ASIC4: variants seen among roughly 807,000 people sequenced by gnomAD.
ASIC4 encodes acid-sensing ion channel 4.
In ASIC4, 28 loss-of-function variants were observed where a neutral mutation model predicts 53.4. The observed-to-expected ratio is 0.52, with a 90% CI of 0.39 to 0.72. The LOEUF (loss-of-function observed/expected upper bound fraction) is 0.72. Among genes scored for constraint, ASIC4 ranks in the 30% least tolerant of loss-of-function variants. The pLI, the probability that ASIC4 is intolerant of heterozygous loss-of-function variation, is 0.00. For missense variants in ASIC4, 649 were observed against 729.7 expected, an observed-to-expected ratio of 0.89 and a Z score of 1.27; for synonymous variants, 289 against 301.4, an observed-to-expected ratio of 0.96 and a Z score of 0.43.
At chr2:219,525,269 C>G (rs1214134554) in intron 1 of ASIC4, among the ~76,000 whole-genome samples, 3 of 152,240 alleles carry the variant, frequency 2.0e-5, no homozygotes, top group Non-Finnish European at 4.4e-5. Flanking sequence ...TTGCAAATGC[C>G]TTTCACATAC....
At chr2:219,511,825 A>T (rs1281818189), upstream of ASIC4, among the ~76,000 whole-genome samples, 2 of 151,950 alleles carry the variant, frequency 1.3e-5, no homozygotes, top group Non-Finnish European at 2.9e-5. The surrounding 1 kb of genome is among the most constrained non-coding windows in gnomAD (Gnocchi z 5.3). Context: ...CCGGGGAAGC[A>T]GCCGGGAGGC....
In ASIC4 at chr2:219,536,943, G is replaced by C; in HGVS notation, c.1230-123G>C. 1 of 798,842 alleles carries C rather than the reference G, an allele frequency of 1.3e-6. No individual in the cohort carries two copies. 49.5% of individuals were successfully genotyped at this position (798,842 alleles called of 1,614,324 possible). On this transcript the variant is annotated intron_variant, in intron 6 of 9. Transcript: ENST00000358078. This position sits in a 1 kb window ranked among gnomAD's most constrained non-coding sequence, Gnocchi z 4.6. ...TCCCCTCACAGCCTTGGGGAGTCCG[G>C]GGGGTAGTCACTGACTTCCCCATGT... is the stretch of plus-strand genomic sequence containing the variant.
chr2:219,522,475 C>T (rs1694902283), intron 1 of ASIC4, among the ~76,000 whole-genome samples: 1 of 151,482 alleles, frequency 6.6e-6, no homozygotes, highest in Non-Finnish European at 1.5e-5. Flanking sequence ...CCAGTGGGGG[C>T]TCACGGGGGA....
chr2:219,523,307 C>A (rs542923342), intron 1 of ASIC4, among the ~76,000 whole-genome samples: 4 of 152,004 alleles, frequency 2.6e-5, no homozygotes, highest in Admixed American at 6.6e-5. Flanking sequence ...GTCCCGGAGG[C>A]CTTCATCCTC....
chr2:219,511,471 T>A (rs1455452707), upstream of ASIC4, among the ~76,000 whole-genome samples: 1 of 151,042 alleles, frequency 6.6e-6, no homozygotes, highest in African/African-American at 2.4e-5. This position sits in a 1 kb window ranked among gnomAD's most constrained non-coding sequence, Gnocchi z 5.3. Flanking sequence ...AGGAAGCTCA[T>A]CCCCTGGGGG....
chr2:219,516,744 T>C lies in ASIC4; in HGVS notation c.582+1438T>C, dbSNP rs1349026067. 6.6e-6 allele frequency: 1 copy of C among 152,282 alleles called. No homozygotes were observed. The highest frequency in any genetic ancestry group is 1.9e-4 in the East Asian group (1 of 5,206). 9.4% of individuals were successfully genotyped at this position (152,282 alleles called of 1,614,324 possible). A position where few individuals can be genotyped will look rare whatever the true frequency, so the allele number is the denominator to read the frequency against. On this transcript the variant is annotated intron_variant, in intron 1 of 9. Coordinates refer to ENST00000358078, the MANE Select transcript of ASIC4 (RefSeq NM_018674.6). This position sits in a 1 kb window ranked among gnomAD's most constrained non-coding sequence, Gnocchi z 4.9. ...AACATGCTCCAGCCAACGAGGTTCC[T>C]GGCCCCCACCATGCCTGCAGTGTCT...
intron 1 of ASIC4, among the ~76,000 whole-genome samples, chr2:219,526,642 CAG>C (rs1330543073): frequency 3.3e-5 from 5 of 151,926 alleles, no homozygotes; most frequent in East Asian, 1.9e-4. Flanking sequence ...GATCAGGAAA[CAG>C]AGGCTAGCGA....
chr2:219,519,108 G>A (rs1280882336), intron 1 of ASIC4, among the ~76,000 whole-genome samples: 2 of 152,170 alleles, frequency 1.3e-5, no homozygotes, highest in East Asian at 3.8e-4. Flanking sequence ...GTTTCACTGT[G>A]TTAGCCAGGA....
In ASIC4 at chr2:219,532,326, G is replaced by A. The variant is rs1480384252; in HGVS notation, c.867G>A (p.Leu289=). 1 of 1,611,228 alleles carries A rather than the reference G, an allele frequency of 6.2e-7. No individual in the cohort carries two copies. The highest frequency in any genetic ancestry group is 2.2e-5 in the East Asian group (1 of 44,768). Residue 289 remains leucine, a synonymous_variant, in exon 4 of 10, where the codon CTG becomes CTA. Coordinates refer to ENST00000358078, the MANE Select transcript of ASIC4 (RefSeq NM_018674.6). ...CCCCACCTCTGCAGCTGACCTACCT[G>A]CCCCAGCCCTGGGGCAACTGCCGCG... ...VSCQEQRLTY[L]PQPWGNCRAE...
intron 4 of ASIC4, 126 bp downstream of exon 4, chr2:219,532,603 G>T (rs114407711): frequency 7.8e-7 from 1 of 1,276,118 alleles, no homozygotes; most frequent in Admixed American, 2.7e-5. Flanking sequence ...GTCTGTACCC[G>T]TGTGAGTGTG....
Position 219,537,517 on chromosome 2 carries a change from T to C in ASIC4, c.1402-115T>C. ...ATGGGTGAGGAGGAGGAGGGTGTCCTACTGGGAGTTTGCTGTGGCAGTAAG... is the reference window on the plus strand; with the variant it reads ...ATGGGTGAGGAGGAGGAGGGTGTCCCACTGGGAGTTTGCTGTGGCAGTAAG... On this transcript the variant is annotated intron_variant, in intron 8 of 9. Coordinates refer to ENST00000358078, the MANE Select transcript of ASIC4 (RefSeq NM_018674.6). This position sits in a 1 kb window ranked among gnomAD's most constrained non-coding sequence, Gnocchi z 4.9. The C allele has an allele frequency of 1.0e-5, 11 of 1,058,546 alleles. No individual in the cohort carries two copies. The highest frequency in any genetic ancestry group is 1.5e-5 in the Non-Finnish European group (11 of 721,536). The allele number at this position is 1,058,546 out of a possible 1,614,324, so 65.6% of individuals were successfully genotyped here.
chr2:219,535,825 T>C (rs1695128872), intron 6 of ASIC4, among the ~76,000 whole-genome samples: 1 of 148,012 alleles, frequency 6.8e-6, no homozygotes, highest in Non-Finnish European at 1.5e-5. Flanking sequence ...CAGGCTGGAG[T>C]GCAGTGGCAC....
the ASIC4 span, among the ~76,000 whole-genome samples, chr2:219,507,955 G>T: frequency 2.0e-5 from 3 of 152,104 alleles, no homozygotes; most frequent in Admixed American, 2.0e-4. Flanking sequence ...GACTGAGGTT[G>T]ACTTGGGGAT....
chr2:219,526,618 G>A (rs915983109), intron 1 of ASIC4, among the ~76,000 whole-genome samples: 2 of 152,046 alleles, frequency 1.3e-5, no homozygotes, highest in African/African-American at 2.4e-5. Context: ...AGAAGGACTC[G>A]AGAGACAGAC....
chr2:219,521,181 C>T (rs1162159389), intron 1 of ASIC4, among the ~76,000 whole-genome samples: 1 of 152,186 alleles, frequency 6.6e-6, no homozygotes, highest in Non-Finnish European at 1.5e-5. Context: ...GTGACTGTTA[C>T]TGTCTCAGAG....
rs753528619 is a variant in ASIC4 at position 219,535,337 on chromosome 2, GTGT to G, written c.1229+14_1229+16del. The G allele has an allele frequency of 1.2e-4, 193 of 1,570,282 alleles. 18 individuals carry two copies. The highest frequency in any genetic ancestry group is 2.5e-4 in the South Asian group (22 of 87,216). On this transcript the variant is annotated intron_variant, in intron 6 of 9. Transcript: ENST00000358078. ...AGACCTACATACGGTATGTGTGTGT[GTGT>G]GTGGGGGGTGGCTGTGTGACTCTGT...
chr2:219,535,489 T>C (rs1000784527), intron 6 of ASIC4, among the ~76,000 whole-genome samples, 165 bp downstream of exon 6: 8 of 151,306 alleles, frequency 5.3e-5, no homozygotes, highest in Non-Finnish European at 1.0e-4. Flanking sequence ...TGTGGGTGTG[T>C]ACATGCATGT....
upstream of ASIC4, chr2:219,514,317 T>C (rs1040332974): frequency 1.3e-6 from 2 of 1,516,600 alleles, no homozygotes; most frequent in Non-Finnish European, 1.8e-6. Flanking sequence ...TCCTGAATTA[T>C]TAAGCGTGGG....
At chr2:219,519,842 C>T (rs1694858461) in intron 1 of ASIC4, among the ~76,000 whole-genome samples, 1 of 151,070 alleles carries the variant, frequency 6.6e-6, no homozygotes, top group Non-Finnish European at 1.5e-5. Context: ...GCCATCTACT[C>T]TGTGGGCTGT....
Sources: allele counts gnomAD v4.1 joint callset (sites outside exome capture counted in the v4.1 genomes callset), GRCh38; gene constraint gnomAD v4.1.1; non-coding constraint Gnocchi (gnomAD v3.1); transcripts MANE v1.5; gene names NCBI Gene and HGNC (gene_info 2026-07-23, HGNC 2026-07-21).